MAPK9: variants seen among roughly 807,000 people sequenced by gnomAD.
The protein encoded by MAPK9 is mitogen-activated protein kinase 9, also known as Jun kinase.
A neutral mutation model predicts 57.1 loss-of-function variants in MAPK9; 30 were observed. The ratio of observed to expected loss-of-function variants is 0.53; its 90% CI spans 0.39 to 0.71. MAPK9 has a LOEUF of 0.71. Ranked by LOEUF, MAPK9 falls within the 30% of genes least tolerant of loss-of-function variation. The pLI, the probability that MAPK9 is intolerant of heterozygous loss-of-function variation, is 0.00. For missense variants in MAPK9, 362 were observed against 521.0 expected (o/e 0.69, Z 2.97); for synonymous variants, 155 against 177.0 (o/e 0.88, Z 0.99).
chr5:180,250,674 A>G (rs1758579342), intron 5 of MAPK9, among the ~76,000 whole-genome samples: 1 of 152,202 alleles, frequency 6.6e-6, no homozygotes, highest in African/African-American at 2.4e-5. Context: ...CATGCTGCTA[A>G]GTGACCTGTT....
intron 5 of MAPK9, among the ~76,000 whole-genome samples, chr5:180,252,735 GAC>G (rs1371657960): frequency 6.6e-6 from 1 of 152,194 alleles, no homozygotes; most frequent in Non-Finnish European, 1.5e-5. Context: ...AGAGCCACCA[GAC>G]ACAGACGGCT....
chr5:180,280,968 T>C (rs74999367), intron 1 of MAPK9, among the ~76,000 whole-genome samples: 169 of 152,298 alleles, frequency 1.1e-3, no homozygotes, highest in African/African-American at 3.9e-3. Flanking sequence ...AAATGGTTCA[T>C]TTACACCTAG....
chr5:180,249,764 T>C (rs1032411317), intron 5 of MAPK9, among the ~76,000 whole-genome samples: 4 of 152,216 alleles, frequency 2.6e-5, no homozygotes, highest in African/African-American at 9.6e-5. Context: ...TAACCCAATA[T>C]ATCCATAATA....
At chr5:180,267,367 C>G (rs1189692796) in intron 3 of MAPK9, among the ~76,000 whole-genome samples, 1 of 151,876 alleles carries the variant, frequency 6.6e-6, no homozygotes, top group Non-Finnish European at 1.5e-5. Context: ...CGAGACCATC[C>G]TGGCTAACAT....
intron 5 of MAPK9, among the ~76,000 whole-genome samples, chr5:180,259,602 T>C (rs894650317): frequency 1.4e-5 from 2 of 143,974 alleles, no homozygotes; most frequent in African/African-American, 2.6e-5. Flanking sequence ...ACATGAAAAA[T>C]TTCACACTGG....
At chr5:180,251,757 TC>T (rs1758720933) in intron 5 of MAPK9, among the ~76,000 whole-genome samples, 1 of 82,950 alleles carries the variant, frequency 1.2e-5, no homozygotes. Context: ...GGGGCTTGGC[TC>T]CCAAAATGCC....
intron 3 of MAPK9, among the ~76,000 whole-genome samples, chr5:180,266,304 C>T (rs1350817226): frequency 2.6e-5 from 4 of 151,298 alleles, no homozygotes; most frequent in East Asian, 1.9e-4. Flanking sequence ...AAGTAACAGA[C>T]GTTCTCAGAC....
At chr5:180,283,420 G>C (rs1345632858) in intron 1 of MAPK9, among the ~76,000 whole-genome samples, 1 of 152,174 alleles carries the variant, frequency 6.6e-6, no homozygotes, top group Non-Finnish European at 1.5e-5. Flanking sequence ...CCACCAGCTG[G>C]ATTCCTTAAC....
chr5:180,288,520 G>A (rs530519845), intron 1 of MAPK9, among the ~76,000 whole-genome samples: 4 of 152,188 alleles, frequency 2.6e-5, no homozygotes, highest in African/African-American at 9.6e-5. Flanking sequence ...GAGACCTACC[G>A]AAGTGTGAAG....
Position 180,280,516 on chromosome 5 carries a change from C to T in MAPK9, c.46G>A (p.Ala16Thr). 3.1e-6 allele frequency: 5 copies of T among 1,614,202 alleles called. No homozygotes were observed. Among genetic ancestry groups the T allele is most frequent in the Non-Finnish European group, 4.2e-6 (5 of 1,180,018 alleles). The stretch of plus-strand genomic sequence containing the variant: ...TTTAGGACAGTGAAGGTTGAGTCTG[C>T]CACTTGCACACTATAAAACTGACTG... ...CDSQFYSVQV[A>T]DSTFTVLKRY... The change falls in exon 2 of 12, where the codon GCA becomes ACA. Residue 16 changes from alanine (A) to threonine (T), a missense_variant. By Grantham distance (58) the Ala-to-Thr change is moderately conservative. Around this residue, in one of 3 missense-constraint regions of MAPK9, gnomAD observed 36 missense variants for 38.0 expected, o/e 0.95. Coordinates refer to ENST00000452135, the MANE Select transcript of MAPK9 (RefSeq NM_002752.5).
chr5:180,253,963 CTTTTTTTTT>C (rs5873681), intron 5 of MAPK9, among the ~76,000 whole-genome samples: 2 of 109,358 alleles, frequency 1.8e-5, no homozygotes, highest in South Asian at 6.0e-4. Flanking sequence ...GCTTCAATCT[CTTTTTTTTT>C]TTTTTTTTTT....
At chr5:180,238,274 A>T in intron 11 of MAPK9, 58 bp downstream of exon 11, 1 of 1,460,860 alleles carries the variant, frequency 6.8e-7, no homozygotes, top group Non-Finnish European at 9.5e-7. Flanking sequence ...TGTCTCAAAA[A>T]AAAAAAGTTG....
intron 9 of MAPK9, 54 bp downstream of exon 9, chr5:180,240,977 A>C (rs1757593235): frequency 6.4e-7 from 1 of 1,561,292 alleles, no homozygotes; most frequent in Admixed American, 1.9e-5. Flanking sequence ...GACAAGATCC[A>C]AGGAAATATA....
At chr5:180,289,953 T>C (rs1763087747) in intron 1 of MAPK9, among the ~76,000 whole-genome samples, 1 of 152,186 alleles carries the variant, frequency 6.6e-6, no homozygotes, top group Non-Finnish European at 1.5e-5. Context: ...AATCCTGGGC[T>C]CATGGGATCC....
chr5:180,268,016 G>A (rs746801675), intron 3 of MAPK9, among the ~76,000 whole-genome samples: 2 of 151,986 alleles, frequency 1.3e-5, no homozygotes, highest in Admixed American at 1.3e-4. Context: ...AGTAGAGATG[G>A]GGTTTCACCA....
intron 5 of MAPK9, among the ~76,000 whole-genome samples, chr5:180,255,552 A>G (rs1759187371): frequency 6.6e-6 from 1 of 152,112 alleles, no homozygotes; most frequent in Admixed American, 6.5e-5. Context: ...GAACACAGAA[A>G]CTACCCCCCA....
intron 7 of MAPK9, among the ~76,000 whole-genome samples, chr5:180,243,917 G>A (rs1757855769): frequency 2.0e-5 from 3 of 152,084 alleles, no homozygotes; most frequent in Non-Finnish European, 4.4e-5. Context: ...GCATGATCTC[G>A]GCTGACTGCA....
intron 1 of MAPK9, among the ~76,000 whole-genome samples, chr5:180,281,944 GT>G (rs1762349249): frequency 6.6e-6 from 1 of 152,172 alleles, no homozygotes; most frequent in South Asian, 2.1e-4. Context: ...CACCGCAGGA[GT>G]CTCAGTCCCG....
At position 180,280,295 on chromosome 5, in the gene MAPK9, G is replaced by A. The variant is rs967287714; in HGVS notation, c.122+145C>T. 1.4e-5 allele frequency: 15 copies of A among 1,065,646 alleles called. No individual in the cohort carries two copies. The South Asian group carries it at 2.3e-4, about 16-fold the overall frequency. The allele number at this position is 1,065,646 out of a possible 1,614,324, so 66.0% of individuals were successfully genotyped here. A position where few individuals can be genotyped will look rare whatever the true frequency, so the allele number is the denominator to read the frequency against. ...CCTACAGCCTGACTACACAGAACTA[G>A]AGCAAGCAGTTGATTCAATTTAGCT... On this transcript the variant is annotated intron_variant, in intron 2 of 11. Coordinates refer to ENST00000452135, the MANE Select transcript of MAPK9 (RefSeq NM_002752.5).
Sources: allele counts gnomAD v4.1 joint callset (sites outside exome capture counted in the v4.1 genomes callset), GRCh38; gene constraint gnomAD v4.1.1; regional missense constraint gnomAD v4.1.1; transcripts MANE v1.5; gene names NCBI Gene and HGNC (gene_info 2026-07-23, HGNC 2026-07-21).